Variants in TENM1 observed in about 807,000 individuals in gnomAD.
TENM1 encodes the protein teneurin transmembrane protein 1.
In TENM1, 35 loss-of-function variants were observed where a neutral mutation model predicts 174.8. The observed-to-expected ratio is 0.20, with a 90% CI of 0.15 to 0.27. The LOEUF (loss-of-function observed/expected upper bound fraction) is 0.27, where lower values mean the gene tolerates loss of function less well. Ranked by LOEUF, TENM1 falls within the 10% of genes least tolerant of loss-of-function variation. The pLI, the probability that TENM1 is intolerant of heterozygous loss-of-function variation, is 1.00. For missense variants in TENM1, 1,633 were observed against 2,130.1 expected, an observed-to-expected ratio of 0.77 and a Z score of 4.59; for synonymous variants, 781 against 798.7, an observed-to-expected ratio of 0.98 and a Z score of 0.37.
At chrX:124,618,417 C>T (rs1160176148) in intron 11 of TENM1, among the ~76,000 whole-genome samples, 1 of 111,771 alleles carries the variant, frequency 8.9e-6, no homozygotes, top group Non-Finnish European at 1.9e-5. Flanking sequence ...TATTTTTCTG[C>T]ACATTTTCTG....
At chrX:124,523,588 A>G in exon 17 of TENM1, 1 of 1,211,714 alleles carries the variant, frequency 8.3e-7, no homozygotes, top group Non-Finnish European at 1.1e-6. Flanking sequence ...TCGAAGATTA[A>G]GATGACAGAG....
chrX:124,910,547 C>A (rs896847974), intron 1 of TENM1, among the ~76,000 whole-genome samples: 5 of 111,763 alleles, frequency 4.5e-5, no homozygotes, highest in Non-Finnish European at 7.5e-5. Flanking sequence ...GCACAAAGAG[C>A]CAAATAGTGA....
At chrX:124,520,464 T>G in intron 18 of TENM1, 53 bp downstream of exon 21, 1 of 1,044,605 alleles carries the variant, frequency 9.6e-7, no homozygotes, top group East Asian at 3.1e-5. Context: ...TAACAAGTAT[T>G]TTCTGTTCTG....
intron 11 of TENM1, among the ~76,000 whole-genome samples, chrX:124,606,186 G>A (rs1252425806): frequency 2.7e-5 from 3 of 110,962 alleles, no homozygotes; most frequent in Non-Finnish European, 3.8e-5. Flanking sequence ...GATCTACTGA[G>A]TCAAAATGTG....
the TENM1 span, among the ~76,000 whole-genome samples, chrX:125,077,473 T>C: frequency 2.7e-5 from 3 of 111,428 alleles, no homozygotes; most frequent in African/African-American, 9.8e-5. Context: ...GATATTCAAA[T>C]TGGACTAAAA....
At chrX:125,113,680 G>T in the TENM1 span, among the ~76,000 whole-genome samples, 5,814 of 110,794 alleles carry the variant, frequency 0.052, 379 homozygotes, top group African/African-American at 0.18. Flanking sequence ...TTACATAATG[G>T]TAAAGGGATC....
chrX:124,432,915 T>A (rs1448116995), intron 23 of TENM1, among the ~76,000 whole-genome samples: 2 of 112,538 alleles, frequency 1.8e-5, no homozygotes, highest in Non-Finnish European at 3.8e-5. Flanking sequence ...AAGGAAGCTC[T>A]TCTTGCCCTT....
chrX:124,398,356 T>C (rs1229835523), intron 27 of TENM1, among the ~76,000 whole-genome samples: 1 of 111,118 alleles, frequency 9.0e-6, no homozygotes, highest in Non-Finnish European at 1.9e-5. Context: ...TTTTTTTTAT[T>C]GGTATCTCTT....
At chrX:125,121,311 G>A in the TENM1 span, among the ~76,000 whole-genome samples, 3 of 111,302 alleles carry the variant, frequency 2.7e-5, no homozygotes, top group Non-Finnish European at 3.8e-5. Flanking sequence ...GCATCCACAC[G>A]ACATAAAACT....
chrX:124,727,487 G>T (rs1388904626), intron 4 of TENM1, among the ~76,000 whole-genome samples: 1 of 111,592 alleles, frequency 9.0e-6, no homozygotes, highest in African/African-American at 3.3e-5. Context: ...AACAAAAATG[G>T]CTGCAATTCC....
the TENM1 span, among the ~76,000 whole-genome samples, chrX:125,034,504 C>T: frequency 6.3e-5 from 7 of 111,533 alleles, no homozygotes; most frequent in African/African-American, 2.0e-4. Flanking sequence ...AAACTAACAA[C>T]AGTCCAACAG....
chrX:124,420,286 C>A (rs1257640551), intron 25 of TENM1, 25 bp downstream of exon 28: 6 of 1,174,945 alleles, frequency 5.1e-6, no homozygotes, highest in African/African-American at 1.8e-5. Flanking sequence ...CCTAACAAAG[C>A]CCATGTCAAG....
intron 5 of TENM1, among the ~76,000 whole-genome samples, chrX:124,684,608 C>T (rs1364893457): frequency 1.8e-5 from 2 of 110,531 alleles, no homozygotes; most frequent in Non-Finnish European, 3.8e-5. Flanking sequence ...AGCTCCAGGC[C>T]AACCACTAAA....
chrX:125,061,598 G>A, the TENM1 span, among the ~76,000 whole-genome samples: 2 of 111,932 alleles, frequency 1.8e-5, no homozygotes, highest in African/African-American at 6.5e-5. Flanking sequence ...AGCTGTATGT[G>A]CAGAAGAGGA....
chrX:124,991,125 C>A, the TENM1 span, among the ~76,000 whole-genome samples: 1 of 111,256 alleles, frequency 9.0e-6, no homozygotes, highest in Non-Finnish European at 1.9e-5. Flanking sequence ...ATCTGATATC[C>A]TGCCATGTTG....
At chrX:124,792,148 C>A (rs897167660) in intron 3 of TENM1, among the ~76,000 whole-genome samples, 1 of 111,519 alleles carries the variant, frequency 9.0e-6, no homozygotes, top group Admixed American at 9.6e-5. Context: ...ACTTCTACCC[C>A]CAATCCCATA....
chrX:124,392,444 T>TA, intron 27 of TENM1, 96 bp from the exon 31 acceptor site: 1 of 727,716 alleles, frequency 1.4e-6, no homozygotes, highest in Non-Finnish European at 2.0e-6. Flanking sequence ...TATCCAACGA[T>TA]AGAGTCTGTC....
At chrX:124,853,223 T>A (rs781094441) in intron 3 of TENM1, among the ~76,000 whole-genome samples, 6 of 111,096 alleles carry the variant, frequency 5.4e-5, no homozygotes, top group African/African-American at 2.0e-4. Flanking sequence ...AAGGAAGTAA[T>A]TGTGTGGATA....
chrX:125,128,922 C>T, the TENM1 span, among the ~76,000 whole-genome samples: 1 of 111,276 alleles, frequency 9.0e-6, no homozygotes, highest in East Asian at 2.9e-4. Context: ...TGTTGAAGCC[C>T]TACCCTTCAG....
Sources: gnomAD v4.1 joint callset for allele counts (sites outside exome capture counted in the v4.1 genomes callset) on GRCh38, gnomAD v4.1.1 for gene constraint, MANE v1.5 for transcripts, NCBI Gene and HGNC (gene_info 2026-07-23, HGNC 2026-07-21) for gene names.